Variants in TJP3 observed in about 807,000 individuals in gnomAD.
TJP3 encodes tight junction protein 3.
TJP3 carries 85 observed loss-of-function variants against 104.2 expected under a neutral mutation model. The observed-to-expected ratio is 0.82, with a 90% CI of 0.68 to 0.98. The LOEUF (loss-of-function observed/expected upper bound fraction) is 0.98, where lower values mean the gene tolerates loss of function less well. Among genes scored for constraint, TJP3 ranks in the 50% least tolerant of loss-of-function variants. The pLI is 0.00. For synonymous variants in TJP3, 550 were observed against 550.6 expected (o/e 1.00, Z 0.02); for missense variants, 1,367 against 1,322.8 (o/e 1.03, Z -0.52).
At chr19:3,718,024 G>A (rs2145667165) in intron 1 of TJP3, among the ~76,000 whole-genome samples, 1 of 151,608 alleles carries the variant, frequency 6.6e-6, no homozygotes, top group East Asian at 2.0e-4. Flanking sequence ...GACCATCCTG[G>A]CTAACACGGT....
At chr19:3,725,304 A>G (rs912304225) in intron 1 of TJP3, among the ~76,000 whole-genome samples, 1 of 151,836 alleles carries the variant, frequency 6.6e-6, no homozygotes, top group African/African-American at 2.4e-5. Context: ...ACCAAAAAAG[A>G]GCCAGAGAAC....
At chr19:3,724,219 G>A (rs1371264330) in intron 1 of TJP3, among the ~76,000 whole-genome samples, 5 of 151,258 alleles carry the variant, frequency 3.3e-5, no homozygotes, top group Admixed American at 2.6e-4. Flanking sequence ...TTTTTGAGAC[G>A]GAGTTTCCCT....
intron 1 of TJP3, among the ~76,000 whole-genome samples, chr19:3,712,760 G>A (rs2036444594): frequency 6.6e-6 from 1 of 151,798 alleles, no homozygotes; most frequent in Non-Finnish European, 1.5e-5. Flanking sequence ...ACAGGTCCGG[G>A]CAACATAGCG....
intron 1 of TJP3, among the ~76,000 whole-genome samples, chr19:3,711,399 G>A (rs62130630): frequency 0.71 from 101,551 of 142,538 alleles, 36,476 homozygotes; most frequent in East Asian, 1. Context: ...GGGTTTCACC[G>A]TATTGGTCAG....
chr19:3,749,355 T>G (rs1228039440), intron 19 of TJP3, among the ~76,000 whole-genome samples: 1 of 151,902 alleles, frequency 6.6e-6, no homozygotes, highest in Non-Finnish European at 1.5e-5. Flanking sequence ...TTTTTAAATT[T>G]TAGAGATAGG....
chr19:3,714,827 T>G (rs574145549), intron 1 of TJP3, among the ~76,000 whole-genome samples: 1 of 152,138 alleles, frequency 6.6e-6, no homozygotes, highest in African/African-American at 2.4e-5. Flanking sequence ...CCTCCAGAAC[T>G]CCACCTTCCC....
rs578075218 is a variant in TJP3, at chr19:3,734,988, AT to A, written c.986+556del. On this transcript the variant is annotated intron_variant, in intron 8 of 20. Coordinates refer to ENST00000541714, the MANE Select transcript of TJP3 (RefSeq NM_001267560.2). ...AAATTTCTTTTTCCTCTATTTATTT[AT>A]TTGTTTTGAGACTGAGTCATGTGAG... Among the ~76,000 whole-genome samples, 15 of 151,842 alleles carry A rather than the reference AT, an allele frequency of 9.9e-5. No homozygotes were observed. In the East Asian group the frequency reaches 2.9e-3, roughly 29 times the overall value.
chr19:3,721,641 G>T, intron 1 of TJP3: 1 of 316,974 alleles, frequency 3.2e-6, no homozygotes, highest in Non-Finnish European at 5.7e-6. Flanking sequence ...CTCCTGTGAT[G>T]GGAGGTGGGG....
intron 5 of TJP3, 54 bp from the exon 6 acceptor site, chr19:3,731,881 C>G (rs1349061487): frequency 1.3e-6 from 2 of 1,509,710 alleles, no homozygotes; most frequent in Non-Finnish European, 1.8e-6. Context: ...GGAGAATGCT[C>G]CCAGGCACCC....
At chr19:3,725,118 T>A (rs1207963334) in intron 1 of TJP3, among the ~76,000 whole-genome samples, 1 of 152,058 alleles carries the variant, frequency 6.6e-6, no homozygotes, top group African/African-American at 2.4e-5. Context: ...AAAAATATGC[T>A]GTGTGTGGTG....
chr19:3,714,480 T>C (rs1268353311), intron 1 of TJP3, among the ~76,000 whole-genome samples: 1 of 150,360 alleles, frequency 6.7e-6, no homozygotes, highest in South Asian at 2.1e-4. Context: ...GCCCAGCCCG[T>C]TCTTTTAGTA....
chr19:3,721,277 G>A (rs2145671320), intron 1 of TJP3, among the ~76,000 whole-genome samples: 1 of 152,274 alleles, frequency 6.6e-6, no homozygotes, highest in African/African-American at 2.4e-5. Flanking sequence ...AAAAAGGCAC[G>A]CAGCCGCTGT....
Position 3,746,676 on chromosome 19 carries a change from C to A in TJP3, c.2202C>A (p.His734Gln). 6.2e-7 allele frequency: 1 copy of A among 1,612,496 alleles called. No homozygotes were observed. The highest frequency in any genetic ancestry group is 8.5e-7 in the Non-Finnish European group (1 of 1,179,366). ...LYAQAQKLRK[H>Q]SSHLFTATIP... Reference sequence around the variant, plus strand: ...CACAAGCCCAGAAGCTGCGAAAACACAGCAGCCACCTCTTCACAGGTTGGG... The same window carrying A: ...CACAAGCCCAGAAGCTGCGAAAACAAAGCAGCCACCTCTTCACAGGTTGGG... Residue 734 changes from histidine (H) to glutamine (Q), a missense_variant, in exon 17 of 21, where the codon CAC becomes CAA. By Grantham distance (24) the His-to-Gln change is conservative. Transcript: ENST00000541714. This position sits in a 1 kb window ranked among gnomAD's most constrained non-coding sequence, Gnocchi z 4.1.
intron 11 of TJP3, among the ~76,000 whole-genome samples, chr19:3,737,407 T>G (rs2036751692): frequency 6.6e-6 from 1 of 152,102 alleles, no homozygotes; most frequent in East Asian, 1.9e-4. Flanking sequence ...TCACAGATCA[T>G]TCTCTCATGA....
At chr19:3,750,328 C>T (rs1242770985) in intron 20 of TJP3, 144 bp downstream of exon 20, 1 of 1,206,000 alleles carries the variant, frequency 8.3e-7, no homozygotes, top group Non-Finnish European at 1.2e-6. Flanking sequence ...CCTCTCTAAG[C>T]CCCATATAAT....
In TJP3 at chr19:3,730,157, A is replaced by G. The variant is rs373384738; in HGVS notation, c.261+27A>G. Reference sequence around the variant, plus strand: ...TGAGTAGGCAGCCCCTGGCATGGCCAGCATCTCTGACCCCAGCCTGGGTCG... The same window carrying G: ...TGAGTAGGCAGCCCCTGGCATGGCCGGCATCTCTGACCCCAGCCTGGGTCG... On this transcript the variant is annotated intron_variant, in intron 4 of 20. Transcript: ENST00000541714. The surrounding 1 kb of genome is among the most constrained non-coding windows in gnomAD (Gnocchi z 7.3). 538 of 1,607,518 alleles carry G rather than the reference A, an allele frequency of 3.3e-4. 1 individual carries two copies. Among genetic ancestry groups the G allele is most frequent in the Non-Finnish European group, 4.3e-4 (502 of 1,174,258 alleles).
chr19:3,735,874 C>T lies in TJP3; in HGVS notation c.1066C>T (p.Pro356Ser), dbSNP rs186577742. 27 of 1,614,104 alleles carry T rather than the reference C, an allele frequency of 1.7e-5. No homozygotes were observed. In the East Asian group the frequency reaches 2.5e-4, roughly 15 times the overall value. ...SEPDEQRSEL[P>S]RESSYDIYRV... ...GACTGGCTTTTCCCTTTCAGAGTTG[C>T]CCAGGGAAAGCAGCTATGACATCTA... is the stretch of plus-strand genomic sequence containing the variant. Residue 356 changes from proline (P) to serine (S), a missense_variant, in exon 10 of 21, where the codon CCC (proline) becomes TCC (serine). Coordinates refer to ENST00000541714, the MANE Select transcript of TJP3 (RefSeq NM_001267560.2).
Position 3,732,017 on chromosome 19 carries a change from G to C in TJP3, c.696G>C (p.Gln232His), listed in dbSNP as rs1405900492. ...TGGCTGCCCGGCACCGTGGGCTGCA[G>C]GAAGGAGATCTCATTCTACAGGTGA... The part of the protein sequence containing the change: ...SGLAARHRGL[Q>H]EGDLILQING... The change falls in exon 6 of 21, where the codon CAG becomes CAC. Residue 232 changes from glutamine (Q) to histidine (H), a missense_variant. Transcript: ENST00000541714. 4 of 1,612,942 alleles carry C rather than the reference G, an allele frequency of 2.5e-6. No individual in the cohort carries two copies. The highest frequency in any genetic ancestry group is 3.3e-5 in the Admixed American group (2 of 59,942).
At chr19:3,729,460 C>A (rs1313287393) in intron 3 of TJP3, among the ~76,000 whole-genome samples, 2 of 151,786 alleles carry the variant, frequency 1.3e-5, no homozygotes, top group Non-Finnish European at 2.9e-5. Flanking sequence ...GTGTGGGGAG[C>A]GAGGAGTGAG....
Sources: gnomAD v4.1 joint callset for allele counts (sites outside exome capture counted in the v4.1 genomes callset) on GRCh38, gnomAD v4.1.1 for gene constraint, Gnocchi (gnomAD v3.1) non-coding constraint, MANE v1.5 for transcripts, NCBI Gene and HGNC (gene_info 2026-07-23, HGNC 2026-07-21) for gene names.